Variants in CACNG3 observed in about 807,000 individuals in gnomAD.
The protein encoded by CACNG3 is calcium voltage-gated channel auxiliary subunit gamma 3.
In CACNG3, 3 loss-of-function variants were observed where a neutral mutation model predicts 28.5. The ratio of observed to expected loss-of-function variants is 0.11; its 90% CI spans 0.05 to 0.27. CACNG3 has a LOEUF of 0.27. CACNG3 is among the 10% of genes least tolerant of loss of function. CACNG3 has a pLI of 1.00. For synonymous variants in CACNG3, 174 were observed against 162.2 expected (o/e 1.07, Z -0.55); for missense variants, 236 against 414.4 (o/e 0.57, Z 3.74).
chr16:24,321,049 A>G (rs573058387), intron 1 of CACNG3, among the ~76,000 whole-genome samples: 17 of 152,148 alleles, frequency 1.1e-4, no homozygotes, highest in Non-Finnish European at 2.1e-4. Flanking sequence ...ATAAGTTTTA[A>G]ACTGCACACT....
In CACNG3 at chr16:24,355,204, G is replaced by A. The variant is rs79917489; in HGVS notation, c.436+231G>A. On this transcript the variant is annotated intron_variant, in intron 3 of 3. Transcript: ENST00000005284. ...AGGAAACAGCATGGCACGATCAGCT[G>A]AGATTGAAAGAGAGAGAGGGAAGAA... is the stretch of plus-strand genomic sequence containing the variant. Among the ~76,000 whole-genome samples the A allele has an allele frequency of 7.1e-3, 1,082 of 152,280 alleles. 9 individuals are homozygous for A. Among genetic ancestry groups the A allele is most frequent in the African/African-American group, 0.025 (1,031 of 41,552 alleles).
intron 1 of CACNG3, among the ~76,000 whole-genome samples, chr16:24,336,064 T>C (rs1414397835): frequency 1.3e-5 from 2 of 151,742 alleles, no homozygotes; most frequent in Non-Finnish European, 2.9e-5. Context: ...TGCCTAACCC[T>C]AGGCCCTGAG....
At chr16:24,278,235 C>T (rs780274980) in intron 1 of CACNG3, among the ~76,000 whole-genome samples, 1 of 152,162 alleles carries the variant, frequency 6.6e-6, no homozygotes, top group Non-Finnish European at 1.5e-5. Context: ...TGAATAAGAG[C>T]TTCCAATAAG....
At chr16:24,344,706 AGAACCAAG>A (rs1241527291) in intron 1 of CACNG3, among the ~76,000 whole-genome samples, 1 of 152,208 alleles carries the variant, frequency 6.6e-6, no homozygotes, top group African/African-American at 2.4e-5. Flanking sequence ...GCGGAGAATC[AGAACCAAG>A]GAGATGTTCT....
chr16:24,294,849 A>G (rs2238508), intron 1 of CACNG3, among the ~76,000 whole-genome samples: 35,383 of 152,202 alleles, frequency 0.23, 4,460 homozygotes, highest in South Asian at 0.33. Flanking sequence ...CGTATTTCAT[A>G]GAGCTACTAT....
chr16:24,304,854 G>A (rs538882868), intron 1 of CACNG3, among the ~76,000 whole-genome samples: 51 of 152,208 alleles, frequency 3.4e-4, no homozygotes, highest in Admixed American at 6.5e-4. Context: ...GAGCCACCGC[G>A]CCCAGCATGA....
chr16:24,354,359 C>T (rs912132880), intron 2 of CACNG3, among the ~76,000 whole-genome samples: 2 of 152,160 alleles, frequency 1.3e-5, no homozygotes, highest in Non-Finnish European at 2.9e-5. Context: ...GAGGCTTGCA[C>T]CCAACTCTGA....
chr16:24,325,130 A>G (rs896506988), intron 1 of CACNG3, among the ~76,000 whole-genome samples: 2 of 152,242 alleles, frequency 1.3e-5, no homozygotes, highest in Non-Finnish European at 1.5e-5. Flanking sequence ...AAATGAATGA[A>G]TGAATTTATG....
chr16:24,310,952 A>G (rs1236037664), intron 1 of CACNG3, among the ~76,000 whole-genome samples: 6 of 152,190 alleles, frequency 3.9e-5, no homozygotes, highest in Non-Finnish European at 7.3e-5. Context: ...AAGATGTTTG[A>G]GGTCCAATGG....
At chr16:24,266,318 T>G (rs17759268) in intron 1 of CACNG3, among the ~76,000 whole-genome samples, 30,782 of 152,174 alleles carry the variant, frequency 0.2, 3,597 homozygotes, top group Non-Finnish European at 0.28. Context: ...ACGAATACTG[T>G]GTCATTTAGC....
Position 24,354,976 on chromosome 16 carries a change from G to A in CACNG3, c.436+3G>A. On this transcript the variant is annotated splice_donor_region_variant and intron_variant, in intron 3 of 3. Transcript: ENST00000005284. ...GGGCATCTTTTTTGTCTCTGCAGGT[G>A]AGTGTCTGGCCCCAGCCCTGAGATC... 6.2e-7 allele frequency: 1 copy of A among 1,611,380 alleles called. No individual in the cohort carries two copies.
chr16:24,262,895 T>C (rs547713578), intron 1 of CACNG3, among the ~76,000 whole-genome samples: 1 of 152,342 alleles, frequency 6.6e-6, no homozygotes, highest in Non-Finnish European at 1.5e-5. Flanking sequence ...GTGACCAGTG[T>C]GGGTTATTTG....
At position 24,354,602 on chromosome 16, in the gene CACNG3, T is replaced by G. The variant is rs547648474; in HGVS notation, c.296-231T>G. On this transcript the variant is annotated intron_variant, in intron 2 of 3. Transcript: ENST00000005284. ...CTTCACTTCACTTATAAAACACACA[T>G]TCGATTATAAAATCGTTAAGACTCT... Among the ~76,000 whole-genome samples the G allele has an allele frequency of 1.2e-4, 18 of 152,340 alleles. No homozygotes were observed. The South Asian group carries it at 3.5e-3, about 30-fold the overall frequency.
Position 24,361,882 on chromosome 16 carries a change from C to G in CACNG3, c.*19C>G, listed in dbSNP as rs111975365. 1.9e-6 allele frequency: 3 copies of G among 1,584,804 alleles called. No individual in the cohort carries two copies. In the East Asian group the frequency reaches 6.7e-5, roughly 35 times the overall value. On this transcript the variant is annotated 3_prime_UTR_variant, in exon 4 of 4. Coordinates refer to ENST00000005284, the MANE Select transcript of CACNG3 (RefSeq NM_006539.4). This position sits in a 1 kb window ranked among gnomAD's most constrained non-coding sequence, Gnocchi z 6.8. ...CGTCTGAACTGACCTCTGACCTCTG[C>G]CCCACGCCCAGCACAGCCTTGGGGG...
chr16:24,279,470 T>C (rs1328471452), intron 1 of CACNG3, among the ~76,000 whole-genome samples: 1 of 151,788 alleles, frequency 6.6e-6, no homozygotes, highest in Non-Finnish European at 1.5e-5. Flanking sequence ...ATTTTGTTTA[T>C]TATTATTATT....
chr16:24,332,693 G>C (rs994175791), intron 1 of CACNG3, among the ~76,000 whole-genome samples: 2 of 152,072 alleles, frequency 1.3e-5, no homozygotes, highest in African/African-American at 4.8e-5. Flanking sequence ...TGTGCGCAAG[G>C]TTGCACGGAC....
chr16:24,362,205 C>T lies in CACNG3; in HGVS notation c.*342C>T, dbSNP rs747640437. ...ACAGGTGGTGGCCAGGGGGGATTTC[C>T]GAATCTCCATCAGGCGCGCTCATAG... On this transcript the variant is annotated 3_prime_UTR_variant, in exon 4 of 4. Coordinates refer to ENST00000005284, the MANE Select transcript of CACNG3 (RefSeq NM_006539.4). The T allele has an allele frequency of 3.0e-5, 6 of 201,828 alleles. 1 individual carries two copies. The highest frequency in any genetic ancestry group is 6.0e-5 in the Non-Finnish European group (6 of 99,864). 12.5% of individuals were successfully genotyped at this position (201,828 alleles called of 1,614,324 possible). A position where few individuals can be genotyped will look rare whatever the true frequency, so the allele number is the denominator to read the frequency against.
At position 24,257,421 on chromosome 16, in the gene CACNG3, G is replaced by T. The variant is rs1203004406; in HGVS notation, c.211+456G>T. Among the ~76,000 whole-genome samples, 5 of 125,280 alleles carry T rather than the reference G, an allele frequency of 4.0e-5. No individual in the cohort carries two copies. In the East Asian group the frequency reaches 1.2e-3, roughly 31 times the overall value. 82.2% of individuals were successfully genotyped at this position (125,280 alleles called of 152,430 possible). ...AGAGAGAGAGAGAGAGAGAGAGAGA[G>T]AGAGAGATCCTGACCCGGTCTGGCA... On this transcript the variant is annotated intron_variant, in intron 1 of 3. Transcript: ENST00000005284.
intron 1 of CACNG3, among the ~76,000 whole-genome samples, chr16:24,322,197 C>G (rs1346711703): frequency 6.6e-6 from 1 of 152,160 alleles, no homozygotes; most frequent in African/African-American, 2.4e-5. Flanking sequence ...GCTGATGACT[C>G]TCACTCTCCC....
Sources: allele counts gnomAD v4.1 joint callset (sites outside exome capture counted in the v4.1 genomes callset), GRCh38; gene constraint gnomAD v4.1.1; non-coding constraint Gnocchi (gnomAD v3.1); transcripts MANE v1.5; gene names NCBI Gene and HGNC (gene_info 2026-07-23, HGNC 2026-07-21).